The following TFDP2 variants were observed in gnomAD, a reference collection of about 807,000 sequenced individuals.
The protein encoded by TFDP2 is transcription factor Dp-2, also known as transcription factor Dp-2 (E2F dimerization partner 2).
TFDP2 carries 17 observed loss-of-function variants against 59.3 expected under a neutral mutation model. That is an observed-to-expected ratio of 0.29 (90% CI 0.20 to 0.43). TFDP2 has a LOEUF of 0.43. Among genes scored for constraint, TFDP2 ranks in the 20% least tolerant of loss-of-function variants. TFDP2 has a pLI of 1.00. For synonymous variants in TFDP2, 180 were observed against 194.7 expected (o/e 0.92, Z 0.63); for missense variants, 391 against 528.8 (o/e 0.74, Z 2.56).
chr3:142,082,498 T>A lies in TFDP2; in HGVS notation c.82+10563A>T, dbSNP rs535255795. 9.2e-5 allele frequency among the ~76,000 whole-genome samples: 14 copies of A among 152,166 alleles called. No individual in the cohort carries two copies. In the South Asian group the frequency reaches 2.9e-3, roughly 32 times the overall value. On this transcript the variant is annotated intron_variant, in intron 3 of 12. Coordinates refer to ENST00000489671, the MANE Select transcript of TFDP2 (RefSeq NM_001178139.2). ...GGGGACCATTGAAATGGAGGAGAGA[T>A]GAATACTTCCAAATTCATTCTACAA...
chr3:142,052,499 C>T (rs114608783), intron 3 of TFDP2, among the ~76,000 whole-genome samples: 6 of 151,486 alleles, frequency 4.0e-5, no homozygotes, highest in Admixed American at 1.3e-4. Flanking sequence ...GAGTGGAGAT[C>T]GAGCGGAGAT....
intron 7 of TFDP2, among the ~76,000 whole-genome samples, chr3:141,975,814 T>C (rs1259376369): frequency 1.3e-5 from 2 of 152,020 alleles, no homozygotes; most frequent in African/African-American, 2.4e-5. Flanking sequence ...GGAAGGGATA[T>C]GGATGTTGTT....
chr3:141,960,500 C>T (rs967068961), intron 10 of TFDP2, among the ~76,000 whole-genome samples: 1 of 152,180 alleles, frequency 6.6e-6, no homozygotes, highest in Admixed American at 6.5e-5. Flanking sequence ...ACAGTCCTTC[C>T]GACTCCTAGG....
intron 3 of TFDP2, among the ~76,000 whole-genome samples, chr3:142,011,598 A>AG (rs1264266205): frequency 1.3e-5 from 2 of 149,684 alleles, no homozygotes; most frequent in African/African-American, 2.5e-5. Flanking sequence ...AATAAAAAAA[A>AG]AAAGAAAAAA....
chr3:142,139,521 C>T (rs1031956736), intron 1 of TFDP2, among the ~76,000 whole-genome samples: 1 of 152,048 alleles, frequency 6.6e-6, no homozygotes, highest in South Asian at 2.1e-4. Context: ...TTCCTTTCTA[C>T]GTTTAGCACT....
At chr3:141,970,735 C>T (rs920579313) in intron 8 of TFDP2, among the ~76,000 whole-genome samples, 1 of 152,168 alleles carries the variant, frequency 6.6e-6, no homozygotes, top group African/African-American at 2.4e-5. Context: ...AGCTGACTCT[C>T]CAATGAGGAC....
intron 1 of TFDP2, 82 bp from the exon 2 acceptor site, chr3:142,101,923 T>C: frequency 2.3e-6 from 1 of 437,366 alleles, no homozygotes; most frequent in East Asian, 3.1e-5. Context: ...GTGACATGCA[T>C]TGTTATCTAA....
intron 2 of TFDP2, among the ~76,000 whole-genome samples, chr3:142,095,180 G>C (rs2061123451): frequency 6.6e-6 from 1 of 151,932 alleles, no homozygotes; most frequent in African/African-American, 2.4e-5. Context: ...AGTAGAGACA[G>C]GGTTTCACCA....
intron 3 of TFDP2, among the ~76,000 whole-genome samples, chr3:142,075,734 GAAAAAAAAAAA>G (rs530375441): frequency 1.1e-4 from 5 of 45,520 alleles, no homozygotes; most frequent in Non-Finnish European, 1.6e-4. Context: ...TGTCTCTACA[GAAAAAAAAAAA>G]AAAAAAAAAA....
chr3:142,027,750 T>C (rs1172473865), intron 3 of TFDP2, among the ~76,000 whole-genome samples: 1 of 152,208 alleles, frequency 6.6e-6, no homozygotes, highest in Non-Finnish European at 1.5e-5. Context: ...CAAGTTGTCA[T>C]ATATTCCGGG....
intron 3 of TFDP2, among the ~76,000 whole-genome samples, chr3:142,048,848 G>A (rs187885027): frequency 1.0e-3 from 152 of 152,306 alleles, no homozygotes; most frequent in African/African-American, 3.6e-3. Flanking sequence ...TTACAGGCAT[G>A]AGCCACTGTG....
intron 3 of TFDP2, among the ~76,000 whole-genome samples, chr3:142,024,981 C>T (rs1490348038): frequency 6.6e-6 from 1 of 150,570 alleles, no homozygotes; most frequent in Non-Finnish European, 1.5e-5. Context: ...GATTGTGCCA[C>T]TGCACTCCAG....
chr3:142,043,346 C>T lies in TFDP2; in HGVS notation c.83-37802G>A, dbSNP rs576372755. ...ACAGGCGTGAGCCACCGCGCCCGGC[C>T]GCTTATTTTTACTCTTATTTATTTA... On this transcript the variant is annotated intron_variant, in intron 3 of 12. Transcript: ENST00000489671. Among the ~76,000 whole-genome samples the T allele has an allele frequency of 1.7e-3, 262 of 151,718 alleles. 1 individual carries two copies. The highest frequency in any genetic ancestry group is 2.8e-3 in the Non-Finnish European group (189 of 67,920).
chr3:142,054,504 TCTC>T (rs1177369053), intron 3 of TFDP2, among the ~76,000 whole-genome samples: 3 of 152,220 alleles, frequency 2.0e-5, no homozygotes, highest in Admixed American at 1.3e-4. Context: ...ATGTATCAGT[TCTC>T]CTTAAATCAA....
At chr3:142,133,637 CAGGCACG>C (rs2062598571) in intron 1 of TFDP2, among the ~76,000 whole-genome samples, 1 of 140,744 alleles carries the variant, frequency 7.1e-6, no homozygotes, top group African/African-American at 3.2e-5. Flanking sequence ...ATCTGGGCTA[CAGGCACG>C]TGCCATCACA....
At chr3:142,011,501 T>TAGTG (rs1387601632) in intron 3 of TFDP2, among the ~76,000 whole-genome samples, 40 of 130,018 alleles carry the variant, frequency 3.1e-4, no homozygotes, top group African/African-American at 1.1e-3. Context: ...GATGACGAGT[T>TAGTG]AGTGGGTGCA....
intron 2 of TFDP2, among the ~76,000 whole-genome samples, chr3:142,098,362 A>G (rs548800093): frequency 1.3e-5 from 2 of 151,236 alleles, no homozygotes; most frequent in South Asian, 4.2e-4. Context: ...CTAGAAAAAT[A>G]TTACTGGATA....
chr3:142,041,192 T>C (rs1358102863), intron 3 of TFDP2, among the ~76,000 whole-genome samples: 1 of 152,212 alleles, frequency 6.6e-6, no homozygotes, highest in Non-Finnish European at 1.5e-5. Context: ...AACTTTGCAA[T>C]TGACTAACCA....
At chr3:142,128,811 A>G (rs2062377115) in intron 1 of TFDP2, among the ~76,000 whole-genome samples, 1 of 152,074 alleles carries the variant, frequency 6.6e-6, no homozygotes, top group African/African-American at 2.4e-5. Context: ...AAAGTAGAAA[A>G]GCTTGAGAAG....
Sources: allele counts gnomAD v4.1 joint callset (sites outside exome capture counted in the v4.1 genomes callset), GRCh38; gene constraint gnomAD v4.1.1; transcripts MANE v1.5; gene names NCBI Gene and HGNC (gene_info 2026-07-23, HGNC 2026-07-21).